The following KCNMA1 variants were observed in gnomAD, a reference collection of about 807,000 sequenced individuals.
KCNMA1 encodes potassium calcium-activated channel subfamily M alpha 1, also known as Calcium-activated potassium channel subunit alpha-1.
A neutral mutation model predicts 140.0 loss-of-function variants in KCNMA1; 29 were observed. That is an observed-to-expected ratio of 0.21 (90% CI 0.15 to 0.28). The LOEUF is 0.28. Among genes scored for constraint, KCNMA1 ranks in the 10% least tolerant of loss-of-function variants. The pLI, the probability that KCNMA1 is intolerant of heterozygous loss-of-function variation, is 1.00. For synonymous variants in KCNMA1, 612 were observed against 611.9 expected (o/e 1.00, Z 0.00); for missense variants, 880 against 1,602.2 (o/e 0.55, Z 7.70).
At chr10:76,912,067 G>C (rs1030599605) in intron 24 of KCNMA1, 2 of 152,176 alleles carry the variant, frequency 1.3e-5, no homozygotes, top group African/African-American at 4.8e-5. Context: ...CGCTCCAAGA[G>C]ACCAGCCAGG....
chr10:77,448,870 C>T (rs984639900), intron 1 of KCNMA1, among the ~76,000 whole-genome samples: 7 of 152,004 alleles, frequency 4.6e-5, no homozygotes, highest in Non-Finnish European at 7.4e-5. Context: ...GGGCAGATTA[C>T]GAGGTCAGGA....
chr10:77,377,063 G>C (rs1281362987), intron 2 of KCNMA1, among the ~76,000 whole-genome samples: 1 of 152,128 alleles, frequency 6.6e-6, no homozygotes, highest in Non-Finnish European at 1.5e-5. Context: ...TTGTCTGTGA[G>C]GTAAGGAGAA....
chr10:77,554,517 A>G (rs576672691), intron 1 of KCNMA1, among the ~76,000 whole-genome samples: 2 of 148,816 alleles, frequency 1.3e-5, no homozygotes. Context: ...GAATCACTTG[A>G]ACCTGGGACG....
chr10:77,534,640 C>T (rs960260093), intron 1 of KCNMA1, among the ~76,000 whole-genome samples: 3 of 152,130 alleles, frequency 2.0e-5, no homozygotes, highest in Admixed American at 6.5e-5. Context: ...TCTATCTATA[C>T]AATAGGCACA....
chr10:77,517,559 G>T (rs1330927638), intron 1 of KCNMA1, among the ~76,000 whole-genome samples: 13 of 152,196 alleles, frequency 8.5e-5, no homozygotes, highest in Non-Finnish European at 1.6e-4. Context: ...GTTCTGCTGA[G>T]TTGGGGCTCA....
At chr10:77,508,581 C>CTTTTTTTTTTTTTTTTTT (rs761735012) in intron 1 of KCNMA1, among the ~76,000 whole-genome samples, 18 of 99,870 alleles carry the variant, frequency 1.8e-4, no homozygotes, top group African/African-American at 6.0e-4. Flanking sequence ...TTTTTCTTTT[C>CTTTTTTTTTTTTTTTTTT]TTTTTTTTTT....
At chr10:76,963,169 G>A (rs1377520779) in intron 20 of KCNMA1, among the ~76,000 whole-genome samples, 1 of 152,182 alleles carries the variant, frequency 6.6e-6, no homozygotes, top group Non-Finnish European at 1.5e-5. Context: ...CCAGTGCAAA[G>A]TCTGAACACT....
intron 1 of KCNMA1, among the ~76,000 whole-genome samples, chr10:77,592,405 G>A (rs561003118): frequency 3.9e-5 from 6 of 152,336 alleles, no homozygotes; most frequent in Non-Finnish European, 7.3e-5. Context: ...AAGGCTTAAA[G>A]TTTGACATGC....
chr10:77,134,533 G>T, intron 5 of KCNMA1, among the ~76,000 whole-genome samples: 1 of 152,024 alleles, frequency 6.6e-6, no homozygotes, highest in Non-Finnish European at 1.5e-5. Flanking sequence ...AATGACTTAA[G>T]ATCCAAAACT....
intron 23 of KCNMA1, among the ~76,000 whole-genome samples, chr10:76,916,895 C>A (rs1473525630): frequency 6.6e-6 from 1 of 152,156 alleles, no homozygotes; most frequent in African/African-American, 2.4e-5. Context: ...TCACTGAGTG[C>A]CATACTTTCA....
chr10:77,184,165 G>A (rs1407410106), intron 4 of KCNMA1, among the ~76,000 whole-genome samples: 1 of 151,886 alleles, frequency 6.6e-6, no homozygotes, highest in Non-Finnish European at 1.5e-5. Context: ...TCAGCTAAGT[G>A]AACACTGCTA....
chr10:77,243,431 G>A lies in KCNMA1; in HGVS notation c.602+7764C>T, dbSNP rs563070971. Among the ~76,000 whole-genome samples, 7 of 152,328 alleles carry A rather than the reference G, an allele frequency of 4.6e-5. No individual in the cohort carries two copies. In the South Asian group the frequency reaches 1.4e-3, roughly 32 times the overall value. The stretch of plus-strand genomic sequence containing the variant: ...CTCAGGCTTGTTGTAGAGGACAGAA[G>A]TAACTAGTGGGCTAGTGGGTCTGAA... On this transcript the variant is annotated intron_variant, in intron 3 of 27. Transcript: ENST00000286628.
At chr10:77,204,121 G>GA (rs910052148) in intron 3 of KCNMA1, among the ~76,000 whole-genome samples, 1 of 151,076 alleles carries the variant, frequency 6.6e-6, no homozygotes, top group Non-Finnish European at 1.5e-5. Context: ...AAGAAAGAAA[G>GA]AAAAAAGAAC....
chr10:77,561,136 T>C (rs1156777126), intron 1 of KCNMA1, among the ~76,000 whole-genome samples: 3 of 152,080 alleles, frequency 2.0e-5, no homozygotes, highest in African/African-American at 7.3e-5. Flanking sequence ...AACTTTTTTT[T>C]TTTCCAATGG....
chr10:77,610,140 C>T lies in KCNMA1; in HGVS notation c.378+27125G>A, dbSNP rs929840550. On this transcript the variant is annotated intron_variant, in intron 1 of 27. Transcript: ENST00000286628. ...CCTCAGTCCTGCCTCTGCCATATGA[C>T]CATCTCCTCCTCAAAAGAGGCTTCT... Among the ~76,000 whole-genome samples the T allele has an allele frequency of 2.0e-5, 3 of 152,248 alleles. No homozygotes were observed. In the South Asian group the frequency reaches 6.2e-4, roughly 31 times the overall value.
chr10:76,926,318 G>A (rs1398925237), intron 23 of KCNMA1, among the ~76,000 whole-genome samples: 3 of 152,052 alleles, frequency 2.0e-5, no homozygotes, highest in African/African-American at 4.8e-5. Context: ...TGTGATCTGG[G>A]GCAATTTATT....
In KCNMA1 at chr10:76,886,634, T is replaced by G. The variant is rs1375577942; in HGVS notation, c.*632A>C. 1 of 990,928 alleles carries G rather than the reference T, an allele frequency of 1.0e-6. No homozygotes were observed. Among genetic ancestry groups the G allele is most frequent in the Non-Finnish European group, 1.2e-6 (1 of 833,396 alleles). The allele number at this position is 990,928 out of a possible 1,614,324, so 61.4% of individuals were successfully genotyped here. ...CTGGCTCTGGGACAAAAGGCCTTGG[T>G]GAGTAACTAAAAAAATCACTGATGT... On this transcript the variant is annotated 3_prime_UTR_variant, in exon 28 of 28. Transcript: ENST00000286628.
chr10:77,217,699 T>C, intron 3 of KCNMA1: 1 of 335,528 alleles, frequency 3.0e-6, no homozygotes, highest in Non-Finnish European at 6.1e-6. Context: ...GAAAATTATG[T>C]GTAGATCAAA....
intron 2 of KCNMA1, among the ~76,000 whole-genome samples, chr10:77,284,113 G>C (rs1421960836): frequency 2.0e-5 from 3 of 152,172 alleles, no homozygotes; most frequent in Non-Finnish European, 4.4e-5. Flanking sequence ...AATATGACCA[G>C]GGCTGGACAC....
Sources: gnomAD v4.1 joint callset for allele counts (sites outside exome capture counted in the v4.1 genomes callset) on GRCh38, gnomAD v4.1.1 for gene constraint, MANE v1.5 for transcripts, NCBI Gene and HGNC (gene_info 2026-07-23, HGNC 2026-07-21) for gene names.